ST6GAL1: variants seen among roughly 807,000 people sequenced by gnomAD.
ST6GAL1 encodes ST6 beta-galactoside alpha-2,6-sialyltransferase 1, also known as beta-galactoside alpha-2,6-sialyltransferase 1.
Under a neutral mutation model 38.0 loss-of-function variants are expected in ST6GAL1, and 20 were observed. The observed-to-expected ratio is 0.53, with a 90% CI of 0.37 to 0.77. ST6GAL1 has a LOEUF of 0.77. Among genes scored for constraint, ST6GAL1 ranks in the 30% least tolerant of loss-of-function variants. The pLI is 0.00. For missense variants in ST6GAL1, 432 were observed against 496.4 expected, an observed-to-expected ratio of 0.87 and a Z score of 1.23; for synonymous variants, 196 against 188.2, an observed-to-expected ratio of 1.04 and a Z score of -0.34.
chr3:186,960,583 G>A (rs1714899747), intron 1 of ST6GAL1, among the ~76,000 whole-genome samples: 1 of 152,088 alleles, frequency 6.6e-6, no homozygotes, highest in African/African-American at 2.4e-5. Context: ...GAGTAGATAG[G>A]AGGCTTGGGG....
At chr3:187,018,810 G>A (rs1324529801) in intron 2 of ST6GAL1, among the ~76,000 whole-genome samples, 1 of 152,196 alleles carries the variant, frequency 6.6e-6, no homozygotes, top group Non-Finnish European at 1.5e-5. Flanking sequence ...TGCTAAGCAA[G>A]AATTGTGTCT....
At chr3:187,000,971 A>C (rs1579311612) in intron 2 of ST6GAL1, among the ~76,000 whole-genome samples, 2 of 152,338 alleles carry the variant, frequency 1.3e-5, no homozygotes, top group Middle Eastern at 3.4e-3. Context: ...TTTTTAGAAC[A>C]GTGCTTGTGT....
At chr3:186,938,624 AC>A (rs1714046779) in intron 1 of ST6GAL1, among the ~76,000 whole-genome samples, 1 of 152,080 alleles carries the variant, frequency 6.6e-6, no homozygotes, top group Non-Finnish European at 1.5e-5. Context: ...TAAAATGGAA[AC>A]CCCCACCAAG....
At chr3:187,030,833 G>A (rs566193021) in intron 2 of ST6GAL1, among the ~76,000 whole-genome samples, 16 of 152,264 alleles carry the variant, frequency 1.1e-4, no homozygotes, top group South Asian at 2.1e-4. Flanking sequence ...GGTCTGGGGC[G>A]GTAGTAAATT....
At chr3:187,066,076 A>G (rs938549924) in intron 5 of ST6GAL1, among the ~76,000 whole-genome samples, 2 of 143,768 alleles carry the variant, frequency 1.4e-5, no homozygotes, top group Non-Finnish European at 3.1e-5. Flanking sequence ...ATGGGTTGGC[A>G]GGGCGGGTGG....
intron 3 of ST6GAL1, among the ~76,000 whole-genome samples, chr3:187,041,302 C>G (rs1054475085): frequency 1.3e-5 from 2 of 152,160 alleles, no homozygotes; most frequent in African/African-American, 4.8e-5. Flanking sequence ...CTCCTACTAC[C>G]TTTTCCTGAT....
intron 2 of ST6GAL1, among the ~76,000 whole-genome samples, chr3:187,024,238 TG>T (rs1202730276): frequency 6.6e-6 from 1 of 151,540 alleles, no homozygotes; most frequent in African/African-American, 2.4e-5. Context: ...GGACTACAGG[TG>T]CATGCCTCCA....
intron 5 of ST6GAL1, among the ~76,000 whole-genome samples, chr3:187,066,628 G>GTGTGTGTT (rs1719150316): frequency 6.8e-6 from 1 of 147,932 alleles, no homozygotes; most frequent in South Asian, 2.1e-4. Context: ...GTGTGTGTGT[G>GTGTGTGTT]TGTTTCTATT....
chr3:186,965,176 C>T (rs1162184835), intron 2 of ST6GAL1, among the ~76,000 whole-genome samples: 1 of 152,104 alleles, frequency 6.6e-6, no homozygotes, highest in Non-Finnish European at 1.5e-5. Flanking sequence ...ATTTACTGGC[C>T]AACATCTGGG....
intron 2 of ST6GAL1, among the ~76,000 whole-genome samples, chr3:186,995,715 A>G (rs1197272124): frequency 6.8e-6 from 1 of 147,514 alleles, no homozygotes; most frequent in Non-Finnish European, 1.5e-5. Flanking sequence ...ATGGTGGCTT[A>G]TGCCTGTAAT....
intron 2 of ST6GAL1, among the ~76,000 whole-genome samples, chr3:187,036,821 C>A (rs765288475): frequency 1.3e-5 from 2 of 152,120 alleles, no homozygotes; most frequent in African/African-American, 4.8e-5. Context: ...CAATCATACC[C>A]CAAGCCTCAG....
In ST6GAL1 at chr3:186,991,274, A is replaced by T. The variant is rs1283444260; in HGVS notation, c.-183+27348A>T. 2.0e-5 allele frequency among the ~76,000 whole-genome samples: 3 copies of T among 152,222 alleles called. No individual in the cohort carries two copies. In the East Asian group the frequency reaches 5.8e-4, roughly 29 times the overall value. On this transcript the variant is annotated intron_variant, in intron 2 of 7. Transcript: ENST00000169298. Reference sequence around the variant, plus strand: ...TACAAAAGGCATTTCTTAGGACCTAACCTGGGCCTAGCGGTGTGGTAGGTG... The same window carrying T: ...TACAAAAGGCATTTCTTAGGACCTATCCTGGGCCTAGCGGTGTGGTAGGTG...
chr3:186,951,369 C>T (rs1445500192), intron 1 of ST6GAL1, among the ~76,000 whole-genome samples: 1 of 152,160 alleles, frequency 6.6e-6, no homozygotes, highest in African/African-American at 2.4e-5. Flanking sequence ...AATTCTTGGC[C>T]ATGACTCTTA....
intron 1 of ST6GAL1, among the ~76,000 whole-genome samples, chr3:186,951,632 G>C (rs148059724): frequency 6.6e-6 from 1 of 152,028 alleles, no homozygotes; most frequent in Non-Finnish European, 1.5e-5. Flanking sequence ...TGACTGTTTC[G>C]CACCTTTTTC....
chr3:187,075,242 A>C lies in ST6GAL1; in HGVS notation c.980-320A>C, dbSNP rs1719520622. 6.6e-6 allele frequency among the ~76,000 whole-genome samples: 1 copy of C among 152,164 alleles called. No individual in the cohort carries two copies. The highest frequency in any genetic ancestry group is 2.4e-5 in the African/African-American group (1 of 41,430). Reference sequence around the variant, plus strand: ...TAATCTTGTCCTCTTTCTCCAAATAAATTATTCCATGGATACATTCATTGG... The same window carrying C: ...TAATCTTGTCCTCTTTCTCCAAATACATTATTCCATGGATACATTCATTGG... On this transcript the variant is annotated intron_variant, in intron 7 of 7. Transcript: ENST00000169298. This position sits in a 1 kb window ranked among gnomAD's most constrained non-coding sequence, Gnocchi z 4.1.
chr3:187,069,167 G>C (rs922716673), intron 5 of ST6GAL1, among the ~76,000 whole-genome samples: 2 of 149,246 alleles, frequency 1.3e-5, no homozygotes, highest in Non-Finnish European at 3.0e-5. Flanking sequence ...ACGGAGTCTC[G>C]CTCTGTCGCC....
intron 1 of ST6GAL1, among the ~76,000 whole-genome samples, chr3:186,962,483 T>C (rs1714966998): frequency 6.6e-6 from 1 of 152,096 alleles, no homozygotes. Context: ...CTAGAAATGG[T>C]TACACCAGGT....
chr3:186,967,459 C>G (rs929720994), intron 2 of ST6GAL1, among the ~76,000 whole-genome samples: 1 of 152,170 alleles, frequency 6.6e-6, no homozygotes, highest in Non-Finnish European at 1.5e-5. Context: ...CCCAAAGTGC[C>G]GGGATTACAA....
intron 2 of ST6GAL1, among the ~76,000 whole-genome samples, chr3:187,000,079 G>T: frequency 6.6e-6 from 1 of 151,952 alleles, no homozygotes; most frequent in Non-Finnish European, 1.5e-5. Flanking sequence ...TTCCTGCCTT[G>T]GCCTCTCAAA....
Sources: allele counts gnomAD v4.1 joint callset (sites outside exome capture counted in the v4.1 genomes callset), GRCh38; gene constraint gnomAD v4.1.1; non-coding constraint Gnocchi (gnomAD v3.1); transcripts MANE v1.5; gene names NCBI Gene and HGNC (gene_info 2026-07-23, HGNC 2026-07-21).